IFT122: variants seen among roughly 807,000 people sequenced by gnomAD.
IFT122 encodes the protein intraflagellar transport protein 122 homolog.
IFT122 carries 118 observed loss-of-function variants against 161.6 expected under a neutral mutation model. The observed-to-expected ratio is 0.73, with a 90% CI of 0.63 to 0.85. The LOEUF (loss-of-function observed/expected upper bound fraction) is 0.85. Among genes scored for constraint, IFT122 ranks in the 40% least tolerant of loss-of-function variants. The pLI, the probability that IFT122 is intolerant of heterozygous loss-of-function variation, is 0.00. For missense variants in IFT122, 1,381 were observed against 1,579.6 expected, an observed-to-expected ratio of 0.87 and a Z score of 2.13; for synonymous variants, 550 against 602.4, an observed-to-expected ratio of 0.91 and a Z score of 1.27.
chr3:129,455,745 C>G (rs1462425413), intron 3 of IFT122, among the ~76,000 whole-genome samples: 4 of 151,808 alleles, frequency 2.6e-5, no homozygotes, highest in African/African-American at 9.7e-5. Flanking sequence ...ACAGTTAACA[C>G]ATTTTTAATA....
chr3:129,474,920 A>G (rs1415607865), intron 9 of IFT122, among the ~76,000 whole-genome samples: 1 of 152,136 alleles, frequency 6.6e-6, no homozygotes, highest in Non-Finnish European at 1.5e-5. Context: ...TTTGGGAGGC[A>G]GAGACAGGGA....
In IFT122 at chr3:129,500,048, T is replaced by G. The variant is rs1306441216; in HGVS notation, c.2355T>G (p.Gly785=). 1 of 1,614,172 alleles carries G rather than the reference T, an allele frequency of 6.2e-7. No homozygotes were observed. The highest frequency in any genetic ancestry group is 1.1e-5 in the South Asian group (1 of 91,080). ...ACGTCAAGGCCATCGAGATCTGTGG[T>G]GACCATGGCTGGGTTGACATGTAGG... ...GEHVKAIEIC[G]DHGWVDMLID... is the part of the protein sequence containing the mutation. The change falls in exon 19 of 30, where the codon GGT becomes GGG. Residue 785 remains glycine, a synonymous_variant. Coordinates refer to ENST00000348417, the MANE Select transcript of IFT122 (RefSeq NM_052989.3).
intron 16 of IFT122, among the ~76,000 whole-genome samples, chr3:129,488,783 C>T (rs1291701088): frequency 6.6e-6 from 1 of 151,986 alleles, no homozygotes; most frequent in Non-Finnish European, 1.5e-5. Context: ...CTTTTATTAT[C>T]GGTGTAGTCA....
intron 7 of IFT122, among the ~76,000 whole-genome samples, chr3:129,465,178 GCAGGACCATTTCCTTA>G (rs2076610465): frequency 6.6e-6 from 1 of 150,848 alleles, no homozygotes. Context: ...GAGTGATGCA[GCAGGACCATTTCCTTA>G]TGAATCAATA....
Position 129,483,449 on chromosome 3 carries a change from G to C in IFT122, c.1654-36G>C, listed in dbSNP as rs756151510. 5 of 1,585,060 alleles carry C rather than the reference G, an allele frequency of 3.2e-6. No homozygotes were observed. In the Admixed American group the frequency reaches 8.3e-5, roughly 26 times the overall value. ...TGTGAGCGCTGACCAAGCCCAGGGT[G>C]GTTCTCACAGGATCCCCACTGTCCC... is the stretch of plus-strand genomic sequence containing the variant. On this transcript the variant is annotated intron_variant, in intron 14 of 29. Coordinates refer to ENST00000348417, the MANE Select transcript of IFT122 (RefSeq NM_052989.3).
In IFT122 at chr3:129,479,894, G is replaced by C; in HGVS notation, c.1460G>C (p.Gly487Ala). The C allele has an allele frequency of 6.2e-7, 1 of 1,613,976 alleles. No homozygotes were observed. The highest frequency in any genetic ancestry group is 1.3e-5 in the African/African-American group (1 of 74,998). ...KVIGGPPGRE[G>A]LLVGLKNGQI... ...ATCGGTGGCCCTCCTGGAAGAGAAG[G>C]CCTCTTAGTGGGGCTGAAGAATGGA... Residue 487 changes from glycine to alanine, a missense_variant, in exon 13 of 30, where the codon GGC becomes GCC. This residue lies in a region of IFT122 where 544 missense variants were observed against 648.0 expected (regional missense o/e 0.84). Coordinates refer to ENST00000348417, the MANE Select transcript of IFT122 (RefSeq NM_052989.3).
rs141626835 is a variant in IFT122 at position 129,502,768 on chromosome 3, C to T, written c.2433C>T (p.Cys811=). 2.7e-4 allele frequency: 433 copies of T among 1,612,434 alleles called. 3 individuals carry two copies. The African/African-American group carries it at 3.5e-3, about 13-fold the overall frequency. Residue 811 remains cysteine (C), a synonymous_variant, in exon 20 of 30, where the codon TGC becomes TGT. Coordinates refer to ENST00000348417, the MANE Select transcript of IFT122 (RefSeq NM_052989.3). ...CTGAGCGCGAGCCCCTGCTGCTGTG[C>T]GCTACCTACCTCAAGAAGCTGGACA... ...DKAEREPLLL[C]ATYLKKLDSP... is the part of the protein sequence containing the mutation.
At chr3:129,505,893 A>G (rs749802105) in intron 21 of IFT122, among the ~76,000 whole-genome samples, 1 of 152,208 alleles carries the variant, frequency 6.6e-6, no homozygotes, top group Non-Finnish European at 1.5e-5. Context: ...TGGGTGTGAC[A>G]CTTTACCTCC....
chr3:129,500,667 C>T (rs61164956), intron 19 of IFT122, among the ~76,000 whole-genome samples: 5,506 of 152,078 alleles, frequency 0.036, 311 homozygotes, highest in African/African-American at 0.11. Context: ...ATAGAGATGG[C>T]GGGAAAGGAT....
chr3:129,442,192 G>C (rs955064041), intron 1 of IFT122, among the ~76,000 whole-genome samples: 2 of 152,054 alleles, frequency 1.3e-5, no homozygotes, highest in Admixed American at 1.3e-4. Flanking sequence ...ACAGAATTTT[G>C]TTCATTTCTC....
At chr3:129,460,976 G>C in intron 4 of IFT122, 1 of 1,585,856 alleles carries the variant, frequency 6.3e-7, no homozygotes. Flanking sequence ...GATTGCTTGA[G>C]GCCAAGCGTT....
In IFT122 at chr3:129,460,980, A is replaced by G. The variant is rs752703596; in HGVS notation, c.273-248A>G. 3 of 1,577,716 alleles carry G rather than the reference A, an allele frequency of 1.9e-6. No homozygotes were observed. In the South Asian group the frequency reaches 3.3e-5, roughly 17 times the overall value. ...GTGGGAGGATTGATTGCTTGAGGCC[A>G]AGCGTTCAAAACCAACCTGGCCAAA... is the stretch of plus-strand genomic sequence containing the variant. On this transcript the variant is annotated intron_variant, in intron 4 of 29. Coordinates refer to ENST00000348417, the MANE Select transcript of IFT122 (RefSeq NM_052989.3).
Position 129,464,744 on chromosome 3 carries a change from C to CT in IFT122, c.527dup (p.Ser177LeufsTer24). 1 of 1,614,124 alleles carries CT rather than the reference C, an allele frequency of 6.2e-7. No individual in the cohort carries two copies. The highest frequency in any genetic ancestry group is 8.5e-7 in the Non-Finnish European group (1 of 1,180,008). ...AAAGATCGAGCGGCCGGGGGGCTCC[C>CT]TCTCGCCAATATGGTCCATCTGCTG... On this transcript the variant is annotated frameshift_variant, in exon 7 of 30. Coordinates refer to ENST00000348417, the MANE Select transcript of IFT122 (RefSeq NM_052989.3). LOFTEE classifies it high-confidence loss of function.
In IFT122 at chr3:129,468,110, G is replaced by A. The variant is rs749579713; in HGVS notation, c.740+1044G>A. Among the ~76,000 whole-genome samples the A allele has an allele frequency of 5.9e-5, 9 of 152,290 alleles. No homozygotes were observed. The East Asian group carries it at 1.7e-3, about 29-fold the overall frequency. On this transcript the variant is annotated intron_variant, in intron 8 of 29. Coordinates refer to ENST00000348417, the MANE Select transcript of IFT122 (RefSeq NM_052989.3). ...CCAGTCACACAAAGGTCATCTGCAG[G>A]CTCCCTCATTAACATCCCTCTCGGT...
At chr3:129,448,362 G>A (rs1197846224) in intron 1 of IFT122, among the ~76,000 whole-genome samples, 1 of 152,216 alleles carries the variant, frequency 6.6e-6, no homozygotes, top group African/African-American at 2.4e-5. Context: ...ATAAGCTTGA[G>A]GAGGTGGTGT....
At chr3:129,486,866 G>T (rs1217127729) in intron 15 of IFT122, among the ~76,000 whole-genome samples, 1 of 152,168 alleles carries the variant, frequency 6.6e-6, no homozygotes, top group Admixed American at 6.5e-5. Context: ...GCTGAGCCTG[G>T]CCTGGGTTCT....
Position 129,514,505 on chromosome 3 carries a change from T to C in IFT122, c.3104T>C (p.Ile1035Thr), listed in dbSNP as rs759062038. Reference protein sequence around the residue: ...LYIPARFQKSIELGTLTIRAK... With the variant: ...LYIPARFQKSTELGTLTIRAK... ...ATCCCTGCCAGATTCCAAAAGTCCA[T>C]TGAGCTGGGTACCCTGACCATCCGC... The change falls in exon 25 of 30, where the codon ATT becomes ACT. Residue 1035 changes from isoleucine to threonine, a missense_variant. Ile to Thr is a moderately conservative substitution (Grantham distance 89). Transcript: ENST00000348417. 3.7e-6 allele frequency: 6 copies of C among 1,614,198 alleles called. No homozygotes were observed. The South Asian group carries it at 4.4e-5, about 12-fold the overall frequency.
chr3:129,448,695 TTA>T (rs1209167374), intron 1 of IFT122, among the ~76,000 whole-genome samples: 2 of 149,430 alleles, frequency 1.3e-5, no homozygotes, highest in African/African-American at 4.9e-5. Context: ...ATTTATTTAT[TTA>T]TTTTTTTTTT....
intron 4 of IFT122, among the ~76,000 whole-genome samples, chr3:129,459,775 TTC>T (rs2076028828): frequency 7.0e-6 from 1 of 143,598 alleles, no homozygotes; most frequent in African/African-American, 2.7e-5. Flanking sequence ...CTTCCTTCCT[TTC>T]TTTTCAGTCT....
Sources: gnomAD v4.1 joint callset for allele counts (sites outside exome capture counted in the v4.1 genomes callset) on GRCh38, gnomAD v4.1.1 for gene constraint, gnomAD v4.1.1 regional missense constraint, MANE v1.5 for transcripts, NCBI Gene and HGNC (gene_info 2026-07-23, HGNC 2026-07-21) for gene names.